REEP3: variants seen among roughly 807,000 people sequenced by gnomAD.
REEP3 encodes the protein receptor expression-enhancing protein 3.
In REEP3, 20 loss-of-function variants were observed where a neutral mutation model predicts 41.3. The observed-to-expected ratio is 0.48, with a 90% CI of 0.34 to 0.70. The LOEUF is 0.70. Ranked by LOEUF, REEP3 falls within the 30% of genes least tolerant of loss-of-function variation. The pLI, the probability that REEP3 is intolerant of heterozygous loss-of-function variation, is 0.01. For missense variants in REEP3, 271 were observed against 308.8 expected, an observed-to-expected ratio of 0.88 and a Z score of 0.92; for synonymous variants, 104 against 101.8, an observed-to-expected ratio of 1.02 and a Z score of -0.13.
intron 6 of REEP3, among the ~76,000 whole-genome samples, chr10:63,613,098 G>A (rs1005962848): frequency 2.0e-5 from 3 of 151,614 alleles, no homozygotes; most frequent in East Asian, 1.9e-4. Context: ...TGCAACCTCC[G>A]CCTCCCAAGT....
chr10:63,596,067 T>A (rs1000476622), intron 3 of REEP3, among the ~76,000 whole-genome samples: 3 of 152,324 alleles, frequency 2.0e-5, no homozygotes, highest in African/African-American at 7.2e-5. Context: ...CCCATTTTGC[T>A]CTTCTCCTGT....
rs1210121060 is a variant in REEP3 at position 63,537,446 on chromosome 10, AAT to A, written c.32+15870_32+15871del. ...CTGGGAGAGGAGAGGGATCTGGAAC[AAT>A]GATATTTGATATTCTGCTTCTTAAG... On this transcript the variant is annotated intron_variant, in intron 1 of 7. Coordinates refer to ENST00000373758, the MANE Select transcript of REEP3 (RefSeq NM_001001330.3). Among the ~76,000 whole-genome samples, 3 of 152,340 alleles carry A rather than the reference AAT, an allele frequency of 2.0e-5. No homozygotes were observed. The East Asian group carries it at 5.8e-4, about 29-fold the overall frequency.
At chr10:63,619,548 C>G in intron 6 of REEP3, 107 bp from the exon 7 acceptor site, 3 of 916,784 alleles carry the variant, frequency 3.3e-6, no homozygotes, top group Non-Finnish European at 4.8e-6. Context: ...AAAAGAGTAA[C>G]TGGGGGAAAT....
At chr10:63,618,240 T>C (rs1438289403) in intron 6 of REEP3, among the ~76,000 whole-genome samples, 3 of 117,444 alleles carry the variant, frequency 2.6e-5, no homozygotes, top group African/African-American at 9.9e-5. Context: ...CCTTCTTCTT[T>C]TTTTTTTTTT....
Position 63,583,135 on chromosome 10 carries a change from G to T in REEP3, c.106-11643G>T, listed in dbSNP as rs1436684048. Among the ~76,000 whole-genome samples, 3 of 152,036 alleles carry T rather than the reference G, an allele frequency of 2.0e-5. No homozygotes were observed. The East Asian group carries it at 5.8e-4, about 29-fold the overall frequency. On this transcript the variant is annotated intron_variant, in intron 2 of 7. Coordinates refer to ENST00000373758, the MANE Select transcript of REEP3 (RefSeq NM_001001330.3). ...GCCTCCCAAGTAGCTGGGACTACAGGCGCCCACCACCACACCCAGCTAATT... is the reference window on the plus strand; with the variant it reads ...GCCTCCCAAGTAGCTGGGACTACAGTCGCCCACCACCACACCCAGCTAATT...
chr10:63,620,983 G>A lies in REEP3; in HGVS notation c.*114G>A, dbSNP rs1956349448. ...AAATGATTATTTAAATTGTGGCAGT[G>A]ATGGGGTTTACTTTCATGAATTTAA... On this transcript the variant is annotated 3_prime_UTR_variant, in exon 8 of 8. Transcript: ENST00000373758. 3.3e-6 allele frequency: 2 copies of A among 597,928 alleles called. No homozygotes were observed. The highest frequency in any genetic ancestry group is 6.0e-5 in the South Asian group (2 of 33,334). 37.0% of individuals were successfully genotyped at this position (597,928 alleles called of 1,614,324 possible). A position where few individuals can be genotyped will look rare whatever the true frequency, so the allele number is the denominator to read the frequency against.
At chr10:63,620,037 G>C (rs1826209160) in intron 7 of REEP3, among the ~76,000 whole-genome samples, 1 of 148,968 alleles carries the variant, frequency 6.7e-6, no homozygotes, top group Non-Finnish European at 1.5e-5. Flanking sequence ...GGCTCAAGCA[G>C]TCCTCCCACC....
chr10:63,543,757 C>A (rs538006904), intron 1 of REEP3, among the ~76,000 whole-genome samples: 74 of 152,216 alleles, frequency 4.9e-4, no homozygotes, highest in Admixed American at 8.5e-4. Flanking sequence ...CGTTTTAAAG[C>A]AATACCCAAC....
intron 1 of REEP3, among the ~76,000 whole-genome samples, chr10:63,523,715 C>T (rs988415820): frequency 1.3e-5 from 2 of 152,104 alleles, no homozygotes; most frequent in South Asian, 2.1e-4. Context: ...TAGGGACCGG[C>T]GTGAGCCAAA....
In REEP3 at chr10:63,623,753, ATATGTGTGTGTG is replaced by A. The variant is rs1010222892; in HGVS notation, c.*2886_*2897del. 2.7e-5 allele frequency: 3 copies of A among 110,176 alleles called. No homozygotes were observed. The highest frequency in any genetic ancestry group is 1.0e-4 in the African/African-American group (3 of 28,850). The allele number at this position is 110,176 out of a possible 1,614,324, so 6.8% of individuals were successfully genotyped here. The stretch of plus-strand genomic sequence containing the variant: ...ATCCCCCTCACATACTTCACAATAT[ATATGTGTGTGTG>A]TGTGTGTGTGTGTGTGTGTGTGTGT... On this transcript the variant is annotated 3_prime_UTR_variant, in exon 8 of 8. Transcript: ENST00000373758.
chr10:63,538,628 G>A (rs893765181), intron 1 of REEP3, among the ~76,000 whole-genome samples: 1 of 152,106 alleles, frequency 6.6e-6, no homozygotes, highest in African/African-American at 2.4e-5. Flanking sequence ...CAGATACTCG[G>A]GAGGCTGAGG....
intron 1 of REEP3, among the ~76,000 whole-genome samples, chr10:63,537,615 C>CTA (rs1351660594): frequency 2.0e-5 from 3 of 152,124 alleles, no homozygotes; most frequent in Non-Finnish European, 4.4e-5. Context: ...AAGATATCTA[C>CTA]AGTAACTAAA....
chr10:63,615,279 A>C (rs1956303547), intron 6 of REEP3, among the ~76,000 whole-genome samples: 1 of 152,138 alleles, frequency 6.6e-6, no homozygotes, highest in Admixed American at 6.5e-5. Flanking sequence ...CATACTCTTC[A>C]TTTTGAAAAA....
At position 63,532,242 on chromosome 10, in the gene REEP3, G is replaced by T. The variant is rs558228283; in HGVS notation, c.32+10665G>T. 1.1e-4 allele frequency among the ~76,000 whole-genome samples: 17 copies of T among 152,180 alleles called. No individual in the cohort carries two copies. In the South Asian group the frequency reaches 2.3e-3, roughly 20 times the overall value. ...GGAAATCATAAAAGTAAAAGTCATAGGACAAATCTAAACAAAATAGGTTTA... is the reference window on the plus strand; with the variant it reads ...GGAAATCATAAAAGTAAAAGTCATATGACAAATCTAAACAAAATAGGTTTA... On this transcript the variant is annotated intron_variant, in intron 1 of 7. Coordinates refer to ENST00000373758, the MANE Select transcript of REEP3 (RefSeq NM_001001330.3).
chr10:63,601,490 A>G (rs1173284170), intron 5 of REEP3, among the ~76,000 whole-genome samples: 1 of 152,196 alleles, frequency 6.6e-6, no homozygotes, highest in East Asian at 1.9e-4. Flanking sequence ...AAAATTCCCA[A>G]AGAGAACACC....
rs1211780287 is a variant in REEP3, at chr10:63,556,646, T to G, written c.33-9692T>G. On this transcript the variant is annotated intron_variant, in intron 1 of 7. Transcript: ENST00000373758. ...TTTTTGTTGTTTTGTTTTTTTTTTTTTTTTTTTGAGACGGAGTCTCGCTCT... is the reference window on the plus strand; with the variant it reads ...TTTTTGTTGTTTTGTTTTTTTTTTTGTTTTTTTGAGACGGAGTCTCGCTCT... Among the ~76,000 whole-genome samples, 146 of 122,944 alleles carry G rather than the reference T, an allele frequency of 1.2e-3. 7 individuals are homozygous for G. Among genetic ancestry groups the G allele is most frequent in the African/African-American group, 4.3e-3 (143 of 33,568 alleles). The allele number at this position is 122,944 out of a possible 152,430, so 80.7% of individuals were successfully genotyped here. A position where few individuals can be genotyped will look rare whatever the true frequency, so the allele number is the denominator to read the frequency against.
intron 2 of REEP3, among the ~76,000 whole-genome samples, chr10:63,575,380 A>G (rs1253039698): frequency 1.3e-5 from 2 of 152,180 alleles, no homozygotes; most frequent in Non-Finnish European, 2.9e-5. Context: ...AGTCCGTTAT[A>G]GTCAATTTTG....
In REEP3 at chr10:63,580,075, A is replaced by G. The variant is rs147535445; in HGVS notation, c.105+13665A>G. Among the ~76,000 whole-genome samples the G allele has an allele frequency of 1.2e-3, 186 of 152,366 alleles. No individual in the cohort carries two copies. The Middle Eastern group carries it at 0.017, about 14-fold the overall frequency. ...ACTAATTATAAAAAATTGAAATGAT[A>G]GTAATATATATCATAATTTATATTC... On this transcript the variant is annotated intron_variant, in intron 2 of 7. Coordinates refer to ENST00000373758, the MANE Select transcript of REEP3 (RefSeq NM_001001330.3).
At chr10:63,570,890 T>C (rs4745748) in intron 2 of REEP3, among the ~76,000 whole-genome samples, 146,424 of 152,196 alleles carry the variant, frequency 0.96, 70,452 homozygotes, top group East Asian at 1. Context: ...TGAAGCAGGC[T>C]GATCTCTTGA....
Sources: allele counts gnomAD v4.1 joint callset (sites outside exome capture counted in the v4.1 genomes callset), GRCh38; gene constraint gnomAD v4.1.1; transcripts MANE v1.5; gene names NCBI Gene and HGNC (gene_info 2026-07-23, HGNC 2026-07-21).